Variants in ADGRE3 observed in about 807,000 individuals in gnomAD.
The protein encoded by ADGRE3 is EGF-like module receptor 3.
ADGRE3 carries 88 observed loss-of-function variants against 80.1 expected under a neutral mutation model. That is an observed-to-expected ratio of 1.10 (90% CI 0.93 to 1.31). The LOEUF is 1.31. ADGRE3 is among the 40% of genes most tolerant of loss of function. ADGRE3 has a pLI of 0.00. For missense variants in ADGRE3, 715 were observed against 776.5 expected, an observed-to-expected ratio of 0.92 and a Z score of 0.94; for synonymous variants, 281 against 294.8, an observed-to-expected ratio of 0.95 and a Z score of 0.48.
intron 1 of ADGRE3, among the ~76,000 whole-genome samples, chr19:14,674,265 G>A (rs549797559): frequency 3.9e-5 from 6 of 152,218 alleles, no homozygotes; most frequent in East Asian, 1.9e-4. Flanking sequence ...GGCAGGCTGA[G>A]GCGGGTGGAT....
intron 5 of ADGRE3, among the ~76,000 whole-genome samples, chr19:14,656,353 CAAAAA>C (rs747939718): frequency 1.2e-5 from 1 of 82,418 alleles, no homozygotes; most frequent in Non-Finnish European, 2.4e-5. Flanking sequence ...GACTCCATCT[CAAAAA>C]AAAAAAAAAA....
At chr19:14,605,215 A>G in the ADGRE3 span, among the ~76,000 whole-genome samples, 1 of 151,894 alleles carries the variant, frequency 6.6e-6, no homozygotes, top group Non-Finnish European at 1.5e-5. Context: ...CTCCTCTCTC[A>G]GCCTCCCGAG....
chr19:14,665,055 ATTTTTTTTTTTTTT>A (rs916325882), intron 2 of ADGRE3, among the ~76,000 whole-genome samples: 1 of 89,808 alleles, frequency 1.1e-5, no homozygotes, highest in African/African-American at 4.8e-5. Flanking sequence ...GAGCAACCTC[ATTTTTTTTTTTTTT>A]TTTTTTTTTT....
Position 14,619,481 on chromosome 19 carries a change from A to C in ADGRE3, c.1921-10T>G, listed in dbSNP as rs565677332. On this transcript the variant is annotated splice_polypyrimidine_tract_variant and intron_variant, in intron 15 of 15. Transcript: ENST00000253673. ...CTGGAAAAACATCCCCCTATAAAAGAGGTTTAGATTAAAGGTGGATGTAAG... is the reference window on the plus strand; with the variant it reads ...CTGGAAAAACATCCCCCTATAAAAGCGGTTTAGATTAAAGGTGGATGTAAG... 1 of 1,589,178 alleles carries C rather than the reference A, an allele frequency of 6.3e-7. No homozygotes were observed. Among genetic ancestry groups the C allele is most frequent in the South Asian group, 1.1e-5 (1 of 90,036 alleles).
chr19:14,637,303 C>T (rs1440091646), intron 11 of ADGRE3, among the ~76,000 whole-genome samples: 6 of 151,980 alleles, frequency 3.9e-5, no homozygotes, highest in African/African-American at 1.5e-4. Flanking sequence ...TCCATGATCC[C>T]TTTAAAAGTC....
chr19:14,631,054 T>C (rs1970868450), intron 13 of ADGRE3, among the ~76,000 whole-genome samples: 1 of 151,972 alleles, frequency 6.6e-6, no homozygotes, highest in East Asian at 1.9e-4. Flanking sequence ...GTATTTTTAG[T>C]AGAGAAGGGG....
downstream of ADGRE3, among the ~76,000 whole-genome samples, chr19:14,617,322 T>TTCCCTCCCTCCCTCCC (rs1242129811): frequency 2.6e-5 from 2 of 77,934 alleles, no homozygotes; most frequent in African/African-American, 8.1e-5. Context: ...TTCCCCTTGC[T>TTCCCTCCCTCCCTCCC]TCCCTCCCTC....
Position 14,641,441 on chromosome 19 carries a change from C to G in ADGRE3, c.1226G>C (p.Gly409Ala), listed in dbSNP as rs773805888. 1.2e-5 allele frequency: 19 copies of G among 1,613,900 alleles called. No homozygotes were observed. The highest frequency in any genetic ancestry group is 1.6e-5 in the Non-Finnish European group (19 of 1,180,002). The stretch of plus-strand genomic sequence containing the variant: ...TACCTTGGGTTCAGTTCGATCAATC[C>G]CCACGAGGAAGAGGAGGTGGGCCAG... ...LFLAHLLFLV[G>A]IDRTEPKVLC... is the part of the protein sequence containing the mutation. Residue 409 changes from glycine (G) to alanine (A), a missense_variant, in exon 10 of 16, where the codon GGG (glycine) becomes GCG (alanine). Gly to Ala is a moderately conservative substitution (Grantham distance 60). Transcript: ENST00000253673.
downstream of ADGRE3, among the ~76,000 whole-genome samples, chr19:14,617,440 C>T (rs1220458381): frequency 1.4e-5 from 2 of 146,792 alleles, no homozygotes; most frequent in Non-Finnish European, 3.0e-5. Context: ...CTCTGTCACC[C>T]AAACTAGAGT....
chr19:14,638,369 G>C (rs551832597), intron 10 of ADGRE3, 29 bp from the exon 11 acceptor site: 1 of 1,562,844 alleles, frequency 6.4e-7, no homozygotes, highest in Non-Finnish European at 8.8e-7. Context: ...ATGCCTGAAG[G>C]GGTTGTCAGG....
intron 14 of ADGRE3, among the ~76,000 whole-genome samples, chr19:14,627,770 T>C (rs1226284159): frequency 6.6e-6 from 1 of 152,138 alleles, no homozygotes; most frequent in East Asian, 1.9e-4. Flanking sequence ...TACTGTTCAG[T>C]TGCAGACAAA....
At chr19:14,610,287 A>G in the ADGRE3 span, 5 of 1,501,952 alleles carry the variant, frequency 3.3e-6, no homozygotes, top group Non-Finnish European at 4.4e-6. Context: ...CCTCTTCGTG[A>G]GTGGACACAC....
At chr19:14,640,664 G>C (rs184271368) in intron 10 of ADGRE3, among the ~76,000 whole-genome samples, 32 of 151,914 alleles carry the variant, frequency 2.1e-4, no homozygotes, top group Non-Finnish European at 4.6e-4. Context: ...GATATGGTTT[G>C]GCTCTGTGTC....
chr19:14,618,679 A>G (rs147939763), downstream of ADGRE3, among the ~76,000 whole-genome samples: 1,154 of 151,290 alleles, frequency 7.6e-3, 4 homozygotes, highest in Non-Finnish European at 0.013. Context: ...CAACATGGAG[A>G]AACCCTGTCT....
At chr19:14,665,055 A>ATTTTT (rs916325882) in intron 2 of ADGRE3, among the ~76,000 whole-genome samples, 4 of 89,810 alleles carry the variant, frequency 4.5e-5, no homozygotes, top group Non-Finnish European at 6.6e-5. Context: ...GAGCAACCTC[A>ATTTTT]TTTTTTTTTT....
Position 14,619,483 on chromosome 19 carries a change from GT to G in ADGRE3, c.1921-13del. 1 of 1,586,800 alleles carries G rather than the reference GT, an allele frequency of 6.3e-7. No homozygotes were observed. Among genetic ancestry groups the G allele is most frequent in the Non-Finnish European group, 8.6e-7 (1 of 1,156,460 alleles). ...GGAAAAACATCCCCCTATAAAAGAG[GT>G]TTAGATTAAAGGTGGATGTAAGGGT... On this transcript the variant is annotated splice_polypyrimidine_tract_variant and intron_variant, in intron 15 of 15. Coordinates refer to ENST00000253673, the MANE Select transcript of ADGRE3 (RefSeq NM_032571.5).
At chr19:14,627,003 A>G (rs1440457559) in intron 14 of ADGRE3, among the ~76,000 whole-genome samples, 2 of 152,138 alleles carry the variant, frequency 1.3e-5, no homozygotes, top group Admixed American at 6.6e-5. Context: ...GCATGTAGAG[A>G]CAGAAGCCAA....
chr19:14,641,011 C>G (rs1313398360), intron 10 of ADGRE3, among the ~76,000 whole-genome samples: 3 of 152,118 alleles, frequency 2.0e-5, no homozygotes, highest in Non-Finnish European at 4.4e-5. Flanking sequence ...AGTAATACAA[C>G]CAATGATACT....
the ADGRE3 span, among the ~76,000 whole-genome samples, chr19:14,602,130 C>G: frequency 6.6e-6 from 1 of 151,738 alleles, no homozygotes; most frequent in Non-Finnish European, 1.5e-5. Context: ...CAGGGTCTTG[C>G]TATGTTGCCT....
Sources: allele counts gnomAD v4.1 joint callset (sites outside exome capture counted in the v4.1 genomes callset), GRCh38; gene constraint gnomAD v4.1.1; transcripts MANE v1.5; gene names NCBI Gene and HGNC (gene_info 2026-07-23, HGNC 2026-07-21).